HOPX: variants seen among roughly 807,000 people sequenced by gnomAD.
HOPX encodes homeodomain-only protein.
HOPX carries 5 observed loss-of-function variants against 11.8 expected under a neutral mutation model. The observed-to-expected ratio is 0.43, with a 90% CI of 0.22 to 0.89. HOPX has a LOEUF of 0.89. Ranked by LOEUF, HOPX falls within the 40% of genes least tolerant of loss-of-function variation. The probability of loss-of-function intolerance (pLI) is 0.28; values close to 1 mark genes in which losing one functional copy is unlikely to be tolerated. For missense variants in HOPX, 119 were observed against 120.0 expected, an observed-to-expected ratio of 0.99 and a Z score of 0.04; for synonymous variants, 49 against 49.7, an observed-to-expected ratio of 0.99 and a Z score of 0.06.
chr4:56,654,435 C>T (rs928833892), intron 3 of HOPX, among the ~76,000 whole-genome samples: 1 of 152,178 alleles, frequency 6.6e-6, no homozygotes, highest in Admixed American at 6.5e-5. Context: ...GATAAGTTGT[C>T]TCCATGATCA....
chr4:56,677,973 A>C (rs1719102690), intron 1 of HOPX, among the ~76,000 whole-genome samples: 1 of 151,624 alleles, frequency 6.6e-6, no homozygotes, highest in Admixed American at 6.6e-5. Context: ...CCAGATATTA[A>C]TCGGGAAAAA....
chr4:56,648,850 G>A (rs535185784), intron 3 of HOPX, 53 bp from the exon 4 acceptor site: 113 of 1,377,984 alleles, frequency 8.2e-5, no homozygotes, highest in Non-Finnish European at 1.1e-4. Context: ...AAACTGAAAT[G>A]CCTGTTCCCT....
chr4:56,677,212 A>G (rs745955205), intron 1 of HOPX, among the ~76,000 whole-genome samples: 10 of 151,814 alleles, frequency 6.6e-5, no homozygotes, highest in Non-Finnish European at 1.3e-4. Flanking sequence ...GCATTGACAA[A>G]AAATGGACTA....
chr4:56,675,427 C>G (rs889160670), intron 1 of HOPX, among the ~76,000 whole-genome samples: 2 of 151,530 alleles, frequency 1.3e-5, no homozygotes, highest in Non-Finnish European at 2.9e-5. Flanking sequence ...ATTAATAATT[C>G]CACTGGGACA....
intron 1 of HOPX, among the ~76,000 whole-genome samples, chr4:56,678,499 G>T (rs1055632083): frequency 6.9e-6 from 1 of 144,596 alleles, no homozygotes; most frequent in Non-Finnish European, 1.5e-5. Flanking sequence ...AGGCAGGAGT[G>T]CAGTGGCACG....
At chr4:56,677,668 G>A (rs1719085349) in intron 1 of HOPX, among the ~76,000 whole-genome samples, 1 of 151,530 alleles carries the variant, frequency 6.6e-6, no homozygotes, top group African/African-American at 2.4e-5. Flanking sequence ...AGGCTCTGTG[G>A]TCCCACAGAC....
intron 1 of HOPX, chr4:56,662,475 TTCTTTCTTC>T (rs1238903553): frequency 6.9e-5 from 10 of 144,272 alleles, no homozygotes; most frequent in Admixed American, 2.8e-4. Context: ...CTTTCTTTCT[TTCTTTCTTC>T]TTTTTTTTTT....
chr4:56,669,660 A>AAATAAT lies in HOPX; in HGVS notation c.-84+11589_-84+11594dup, dbSNP rs148353976. Among the ~76,000 whole-genome samples, 544 of 146,494 alleles carry AAATAAT rather than the reference A, an allele frequency of 3.7e-3. 6 individuals carry two copies. Among genetic ancestry groups the AAATAAT allele is most frequent in the African/African-American group, 3.8e-3 (150 of 39,604 alleles). On this transcript the variant is annotated intron_variant, in intron 1 of 3. Transcript: ENST00000420433. Reference sequence around the variant, plus strand: ...GGTGATAGAGCAGGACTCTGTCTCAAAATAATAATAATAATAATAATAATA... The same window carrying AAATAAT: ...GGTGATAGAGCAGGACTCTGTCTCAAAATAATAATAATAATAATAATAATAATAATA...
chr4:56,648,565 C>T lies in HOPX; in HGVS notation c.*155G>A, dbSNP rs1560357676. ...TGTTATTTTCTTTTCTAATTATGTA[C>T]ATTTAGAAAAAAAATACAACACTGT... On this transcript the variant is annotated 3_prime_UTR_variant, in exon 4 of 4. Coordinates refer to ENST00000420433, the MANE Select transcript of HOPX (RefSeq NM_032495.6). 1.8e-5 allele frequency: 9 copies of T among 492,104 alleles called. No individual in the cohort carries two copies. The highest frequency in any genetic ancestry group is 6.6e-5 in the Admixed American group (2 of 30,104). The allele number at this position is 492,104 out of a possible 1,614,324, so 30.5% of individuals were successfully genotyped here.
intron 3 of HOPX, 85 bp downstream of exon 3, chr4:56,655,771 AG>A: frequency 1.4e-6 from 2 of 1,445,236 alleles, no homozygotes; most frequent in Non-Finnish European, 1.9e-6. Flanking sequence ...GCCCGGCGGG[AG>A]GCGCGGACGA....
chr4:56,669,186 G>A (rs1398871664), intron 1 of HOPX, among the ~76,000 whole-genome samples: 2 of 152,182 alleles, frequency 1.3e-5, no homozygotes, highest in East Asian at 1.9e-4. Flanking sequence ...TGCTGATGTC[G>A]CTGACTCAAG....
intron 1 of HOPX, among the ~76,000 whole-genome samples, chr4:56,673,673 T>TA (rs776454004): frequency 1.1e-4 from 17 of 152,218 alleles, no homozygotes; most frequent in Non-Finnish European, 1.9e-4. Context: ...TTGTCCAAGC[T>TA]AAATAACATC....
chr4:56,672,589 A>G (rs990086797), intron 1 of HOPX: 1 of 151,926 alleles, frequency 6.6e-6, no homozygotes. Flanking sequence ...ATTGAATGCA[A>G]CCACCCACTG....
At chr4:56,673,394 C>CA (rs1718840788) in intron 1 of HOPX, among the ~76,000 whole-genome samples, 2 of 151,500 alleles carry the variant, frequency 1.3e-5, no homozygotes, top group South Asian at 4.2e-4. Context: ...CGCCTAAAGA[C>CA]AAACAAAAAA....
intron 1 of HOPX, among the ~76,000 whole-genome samples, chr4:56,671,848 G>A (rs1280768083): frequency 6.6e-6 from 1 of 152,058 alleles, no homozygotes; most frequent in East Asian, 1.9e-4. Context: ...CTATCACATA[G>A]TCTCCAGGTA....
At chr4:56,677,541 T>G (rs1004198094) in intron 1 of HOPX, among the ~76,000 whole-genome samples, 1 of 151,758 alleles carries the variant, frequency 6.6e-6, no homozygotes, top group Non-Finnish European at 1.5e-5. Flanking sequence ...CTAATTTTAA[T>G]TAGTTTTCCA....
chr4:56,648,516 C>G lies in HOPX; in HGVS notation c.*204G>C. 1 of 418,328 alleles carries G rather than the reference C, an allele frequency of 2.4e-6. No homozygotes were observed. The allele number at this position is 418,328 out of a possible 1,614,324, so 25.9% of individuals were successfully genotyped here. A position where few individuals can be genotyped will look rare whatever the true frequency, so the allele number is the denominator to read the frequency against. ...TTTCCAGTGAAGCCACTGCTTTACA[C>G]AGAAGATACACATAGCTTCCTATTG... On this transcript the variant is annotated 3_prime_UTR_variant, in exon 4 of 4. Coordinates refer to ENST00000420433, the MANE Select transcript of HOPX (RefSeq NM_032495.6).
intron 1 of HOPX, 74 bp from the exon 2 acceptor site, chr4:56,657,973 C>T: frequency 7.2e-7 from 1 of 1,393,606 alleles, no homozygotes; most frequent in East Asian, 2.5e-5. Flanking sequence ...TGGGCATAGA[C>T]TGTCCTAGTA....
At chr4:56,676,363 A>G (rs1317493331) in intron 1 of HOPX, 1 of 151,634 alleles carries the variant, frequency 6.6e-6, no homozygotes, top group East Asian at 1.9e-4. Flanking sequence ...AGGTCATAAC[A>G]CAGCCTTAAA....
Sources: gnomAD v4.1 joint callset for allele counts (sites outside exome capture counted in the v4.1 genomes callset) on GRCh38, gnomAD v4.1.1 for gene constraint, MANE v1.5 for transcripts, NCBI Gene and HGNC (gene_info 2026-07-23, HGNC 2026-07-21) for gene names.